The following LYPLAL1 variants were observed in gnomAD, a reference collection of about 807,000 sequenced individuals.
LYPLAL1 encodes lysophospholipase like 1, also known as lysophospholipase-like protein 1.
A neutral mutation model predicts 19.7 loss-of-function variants in LYPLAL1; 23 were observed. The observed-to-expected ratio is 1.17, with a 90% CI of 0.84 to 1.65. The LOEUF (loss-of-function observed/expected upper bound fraction) is 1.65, where lower values mean the gene tolerates loss of function less well. LYPLAL1 is among the 40% of genes most tolerant of loss of function. The pLI is 0.00. For missense variants in LYPLAL1, 355 were observed against 279.4 expected (o/e 1.27, Z -1.93); for synonymous variants, 119 against 96.3 (o/e 1.24, Z -1.38).
chr1:219,241,135 T>TCC, the LYPLAL1 span, among the ~76,000 whole-genome samples: 3 of 33,958 alleles, frequency 8.8e-5, no homozygotes, highest in Admixed American at 4.5e-4. Flanking sequence ...TCTCTCTCTC[T>TCC]ATATATATAT....
At chr1:219,410,976 G>T in the LYPLAL1 span, among the ~76,000 whole-genome samples, 25 of 152,338 alleles carry the variant, frequency 1.6e-4, no homozygotes, top group African/African-American at 3.8e-4. Context: ...TCCCCGACGA[G>T]CGCCACCCCC....
At chr1:219,265,547 C>G in the LYPLAL1 span, among the ~76,000 whole-genome samples, 3 of 152,146 alleles carry the variant, frequency 2.0e-5, no homozygotes, top group African/African-American at 7.2e-5. Flanking sequence ...TTTCAAAGTT[C>G]TACTATAGAA....
intron 1 of LYPLAL1, among the ~76,000 whole-genome samples, chr1:219,177,331 C>G (rs532278754): frequency 2.0e-5 from 3 of 152,146 alleles, no homozygotes; most frequent in Non-Finnish European, 4.4e-5. Context: ...CATGTAAGGT[C>G]TCTTCCCCAT....
At chr1:219,344,435 G>A in the LYPLAL1 span, among the ~76,000 whole-genome samples, 1 of 152,026 alleles carries the variant, frequency 6.6e-6, no homozygotes, top group Non-Finnish European at 1.5e-5. Flanking sequence ...TTCTCTAACT[G>A]GGAGTCTTCC....
intron 3 of LYPLAL1, among the ~76,000 whole-genome samples, chr1:219,194,403 AGC>A (rs1657441030): frequency 6.6e-6 from 1 of 152,014 alleles, no homozygotes; most frequent in South Asian, 2.1e-4. Flanking sequence ...TTCAATCTTT[AGC>A]AAGTATTTTT....
the LYPLAL1 span, among the ~76,000 whole-genome samples, chr1:219,230,756 A>G: frequency 6.6e-6 from 1 of 152,346 alleles, no homozygotes; most frequent in South Asian, 2.1e-4. Context: ...ATTTAAATTC[A>G]AAATGTTTGT....
the LYPLAL1 span, among the ~76,000 whole-genome samples, chr1:219,357,293 TTGTACTTCAATA>T: frequency 8.5e-5 from 13 of 152,198 alleles, no homozygotes; most frequent in East Asian, 1.9e-4. Context: ...AAGACAAACG[TTGTACTTCAATA>T]TGTGGCAACA....
At chr1:219,252,129 GA>G in the LYPLAL1 span, among the ~76,000 whole-genome samples, 1 of 152,010 alleles carries the variant, frequency 6.6e-6, no homozygotes, top group African/African-American at 2.4e-5. Flanking sequence ...TTTGCATATT[GA>G]TTTTGTATCC....
At chr1:219,209,023 T>A (rs1165088127) in intron 3 of LYPLAL1, among the ~76,000 whole-genome samples, 1 of 152,080 alleles carries the variant, frequency 6.6e-6, no homozygotes, top group African/African-American at 2.4e-5. Flanking sequence ...CATTTGCAAA[T>A]TTTACATACA....
chr1:219,385,228 A>T, the LYPLAL1 span, among the ~76,000 whole-genome samples: 1 of 152,220 alleles, frequency 6.6e-6, no homozygotes, highest in African/African-American at 2.4e-5. Flanking sequence ...CTCTGCCAGA[A>T]TCGAACTTCT....
the LYPLAL1 span, among the ~76,000 whole-genome samples, chr1:219,238,263 G>T: frequency 6.8e-6 from 1 of 146,628 alleles, no homozygotes; most frequent in Admixed American, 6.8e-5. Context: ...TCAGCCTCCC[G>T]AGTAGCTGGG....
chr1:219,177,514 A>G (rs7536586), intron 1 of LYPLAL1, among the ~76,000 whole-genome samples: 41,099 of 152,058 alleles, frequency 0.27, 7,192 homozygotes, highest in East Asian at 0.6. Context: ...GAGGCACCTC[A>G]CACTCAACCT....
In LYPLAL1 at chr1:219,212,772, T is replaced by C. The variant is rs1026310813; in HGVS notation, c.*1044T>C. The C allele has an allele frequency of 6.6e-6, 1 of 152,094 alleles. No individual in the cohort carries two copies. Among genetic ancestry groups the C allele is most frequent in the Non-Finnish European group, 1.5e-5 (1 of 67,956 alleles). The allele number at this position is 152,094 out of a possible 1,614,324, so 9.4% of individuals were successfully genotyped here. ...TCAGTAATATTCCATTGTGTGGATG[T>C]ATCACTATTTGTTTACACATTCACC... On this transcript the variant is annotated 3_prime_UTR_variant, in exon 5 of 5. Coordinates refer to ENST00000366928, the MANE Select transcript of LYPLAL1 (RefSeq NM_138794.5).
intron 3 of LYPLAL1, among the ~76,000 whole-genome samples, chr1:219,209,465 T>G (rs1658827296): frequency 1.3e-5 from 2 of 152,128 alleles, no homozygotes. Flanking sequence ...GTACCTAATC[T>G]TGGGCCTCAG....
At chr1:219,357,446 T>C in the LYPLAL1 span, among the ~76,000 whole-genome samples, 1 of 152,164 alleles carries the variant, frequency 6.6e-6, no homozygotes, top group Non-Finnish European at 1.5e-5. Context: ...TATGAACATA[T>C]GCTTCACATC....
chr1:219,428,576 A>G, the LYPLAL1 span, among the ~76,000 whole-genome samples: 67 of 152,302 alleles, frequency 4.4e-4, no homozygotes, highest in Non-Finnish European at 7.5e-4. Flanking sequence ...TAAAGAGCTT[A>G]CAATTTAATA....
the LYPLAL1 span, among the ~76,000 whole-genome samples, chr1:219,386,651 A>G: frequency 6.6e-6 from 1 of 152,182 alleles, no homozygotes; most frequent in Non-Finnish European, 1.5e-5. Context: ...TAAAAATTGT[A>G]CCCAGATCTT....
chr1:219,238,905 A>G, the LYPLAL1 span, among the ~76,000 whole-genome samples: 6 of 152,286 alleles, frequency 3.9e-5, no homozygotes, highest in African/African-American at 1.4e-4. Context: ...ATTCACCTAA[A>G]ACGTAATCAG....
chr1:219,174,751 C>T (rs1655672252), intron 1 of LYPLAL1, among the ~76,000 whole-genome samples: 1 of 152,186 alleles, frequency 6.6e-6, no homozygotes, highest in Non-Finnish European at 1.5e-5. Context: ...AACCTTTGCA[C>T]CCCCAGTGCT....
Sources: gnomAD v4.1 joint callset for allele counts (sites outside exome capture counted in the v4.1 genomes callset) on GRCh38, gnomAD v4.1.1 for gene constraint, MANE v1.5 for transcripts, NCBI Gene and HGNC (gene_info 2026-07-23, HGNC 2026-07-21) for gene names.